The following EHD2 variants were observed in gnomAD, a reference collection of about 807,000 sequenced individuals.
EHD2 encodes EH domain containing 2, also known as EH domain-containing protein 2.
In EHD2, 27 loss-of-function variants were observed where a neutral mutation model predicts 41.0. The observed-to-expected ratio is 0.66, with a 90% CI of 0.49 to 0.91. The LOEUF is 0.91. EHD2 is among the 40% of genes least tolerant of loss of function. The pLI is 0.00. For missense variants in EHD2, 673 were observed against 773.9 expected, an observed-to-expected ratio of 0.87 and a Z score of 1.55; for synonymous variants, 342 against 341.0, an observed-to-expected ratio of 1.00 and a Z score of -0.03.
chr19:47,723,875 G>C (rs1400650009), intron 3 of EHD2, among the ~76,000 whole-genome samples: 1 of 151,868 alleles, frequency 6.6e-6, no homozygotes, highest in Non-Finnish European at 1.5e-5. Flanking sequence ...TGTAGAGACA[G>C]GGTCTTGTCA....
chr19:47,740,869 C>A lies in EHD2; in HGVS notation c.1081-12C>A. On this transcript the variant is annotated splice_polypyrimidine_tract_variant and intron_variant, in intron 5 of 5. Coordinates refer to ENST00000263277, the MANE Select transcript of EHD2 (RefSeq NM_014601.4). ...CCGCTTGAATTCTGGGTGCCCCTGT[C>A]CCCCACCACAGGAGCTGCTGATGGC... 6.2e-7 allele frequency: 1 copy of A among 1,611,086 alleles called. No individual in the cohort carries two copies. Among genetic ancestry groups the A allele is most frequent in the Non-Finnish European group, 8.5e-7 (1 of 1,179,448 alleles).
intron 3 of EHD2, among the ~76,000 whole-genome samples, chr19:47,721,164 G>GGGGT (rs911149629): frequency 1.7e-5 from 1 of 57,160 alleles, no homozygotes; most frequent in African/African-American, 8.6e-5. Context: ...TGCTACTGGG[G>GGGGT]GTGTGTGTGT....
At chr19:47,730,342 T>C (rs563724142) in intron 4 of EHD2, among the ~76,000 whole-genome samples, 12 of 143,842 alleles carry the variant, frequency 8.3e-5, no homozygotes, top group African/African-American at 2.4e-4. Flanking sequence ...GCCACACCCC[T>C]GCCCTGATTG....
At chr19:47,721,164 G>GGTGTGTGT (rs60140753) in intron 3 of EHD2, among the ~76,000 whole-genome samples, 51 of 57,158 alleles carry the variant, frequency 8.9e-4, no homozygotes, top group Non-Finnish European at 1.6e-3. Context: ...TGCTACTGGG[G>GGTGTGTGT]GTGTGTGTGT....
chr19:47,741,619 G>A lies in EHD2; in HGVS notation c.*187G>A. On this transcript the variant is annotated 3_prime_UTR_variant, in exon 6 of 6. Coordinates refer to ENST00000263277, the MANE Select transcript of EHD2 (RefSeq NM_014601.4). The surrounding 1 kb of genome is among the most constrained non-coding windows in gnomAD (Gnocchi z 4.5). ...TAGAGGGGACCACGGGAGGGACAAG[G>A]CTTCTCTGTCCGCCCTTCACACCTC... The A allele has an allele frequency of 1.5e-6, 1 of 682,916 alleles. No homozygotes were observed. The highest frequency in any genetic ancestry group is 2.4e-6 in the Non-Finnish European group (1 of 409,304). The allele number at this position is 682,916 out of a possible 1,614,324, so 42.3% of individuals were successfully genotyped here. A position where few individuals can be genotyped will look rare whatever the true frequency, so the allele number is the denominator to read the frequency against.
At chr19:47,732,984 G>A (rs969514359) in intron 4 of EHD2, 2 of 151,912 alleles carry the variant, frequency 1.3e-5, no homozygotes, top group African/African-American at 2.4e-5. Flanking sequence ...TCAGGAGGCT[G>A]AGGCAGGAGA....
In EHD2 at chr19:47,719,368, G is replaced by C. The variant is rs567054552; in HGVS notation, c.502+762G>C. Among the ~76,000 whole-genome samples, 31 of 152,248 alleles carry C rather than the reference G, an allele frequency of 2.0e-4. No individual in the cohort carries two copies. Among genetic ancestry groups the C allele is most frequent in the African/African-American group, 6.7e-4 (28 of 41,548 alleles). On this transcript the variant is annotated intron_variant, in intron 3 of 5. Transcript: ENST00000263277. The surrounding 1 kb of genome is among the most constrained non-coding windows in gnomAD (Gnocchi z 4.1). ...GATGGGGCCGAGAAGGGGATGGGAA[G>C]GGAATCTGGGTGGGGGCCAAGGCCA...
chr19:47,715,854 G>T (rs896246166), intron 1 of EHD2, among the ~76,000 whole-genome samples: 11 of 151,946 alleles, frequency 7.2e-5, no homozygotes, highest in Non-Finnish European at 1.2e-4. Flanking sequence ...TGCAACCTCT[G>T]CCTCCTGGGT....
At chr19:47,737,786 CTG>C (rs1966940992) in intron 5 of EHD2, among the ~76,000 whole-genome samples, 1 of 151,510 alleles carries the variant, frequency 6.6e-6, no homozygotes. Context: ...TCATAGCTCA[CTG>C]TGTACTTGAA....
rs1366308403 is a variant in EHD2, at chr19:47,719,999, CA to C, written c.502+1394del. Among the ~76,000 whole-genome samples, 5 of 143,060 alleles carry C rather than the reference CA, an allele frequency of 3.5e-5. No individual in the cohort carries two copies. Among genetic ancestry groups the C allele is most frequent in the Non-Finnish European group, 7.5e-5 (5 of 66,458 alleles). The allele number at this position is 143,060 out of a possible 152,430, so 93.9% of individuals were successfully genotyped here. On this transcript the variant is annotated intron_variant, in intron 3 of 5. Coordinates refer to ENST00000263277, the MANE Select transcript of EHD2 (RefSeq NM_014601.4). The surrounding 1 kb of genome is among the most constrained non-coding windows in gnomAD (Gnocchi z 4.1). ...TTGTGTATATCTTGGGAAAGTGTGT[CA>C]TTATGAGTGTACTCCTGGGTGTGGT...
chr19:47,718,363 C>T (rs528850314), intron 2 of EHD2, 146 bp from the exon 3 acceptor site: 3 of 600,784 alleles, frequency 5.0e-6, no homozygotes, highest in South Asian at 3.7e-5. Context: ...CTGAGATGGT[C>T]CTGGTTGCCC....
At chr19:47,735,937 C>T (rs1312033154) in intron 4 of EHD2, among the ~76,000 whole-genome samples, 1 of 150,430 alleles carries the variant, frequency 6.6e-6, no homozygotes, top group Non-Finnish European at 1.5e-5. Context: ...GTGGCTCACA[C>T]CTGTAATCCC....
chr19:47,725,853 G>C lies in EHD2; in HGVS notation c.544G>C (p.Val182Leu). The change falls in exon 4 of 6, where the codon GTG becomes CTG. Residue 182 changes from valine (V) to leucine (L), a missense_variant. By Grantham distance (32) the Val-to-Leu change is conservative. Transcript: ENST00000263277. ...CGTGCTGCGCTGGTTCGCGGAGCGC[G>C]TGGACCTCATCATCCTGCTCTTTGA... ...PAVLRWFAER[V>L]DLIILLFDAH... is the part of the protein sequence containing the mutation. 2 of 1,609,376 alleles carry C rather than the reference G, an allele frequency of 1.2e-6. No homozygotes were observed. Among genetic ancestry groups the C allele is most frequent in the Non-Finnish European group, 1.7e-6 (2 of 1,176,364 alleles).
chr19:47,718,553 G>GCATCAT lies in EHD2; in HGVS notation c.451_456dup (p.Ile151_Ile152dup). On this transcript the variant is annotated inframe_insertion, in exon 3 of 6. Coordinates refer to ENST00000263277, the MANE Select transcript of EHD2 (RefSeq NM_014601.4). ...CCTAATCAGGTCCTGGAGAGCATCA[G>GCATCAT]CATCATCGACACCCCGGGTATCCTG... 6.3e-7 allele frequency: 1 copy of GCATCAT among 1,588,262 alleles called. No individual in the cohort carries two copies. The highest frequency in any genetic ancestry group is 8.6e-7 in the Non-Finnish European group (1 of 1,167,002).
In EHD2 at chr19:47,740,900, A is replaced by T; in HGVS notation, c.1100A>T (p.Asp367Val). Residue 367 changes from aspartate (D) to valine (V), a missense_variant, in exon 6 of 6, where the codon GAC (aspartate) becomes GTC (valine). Coordinates refer to ENST00000263277, the MANE Select transcript of EHD2 (RefSeq NM_014601.4). ...QKMQELLMAHDFTKFHSLKPK... is the reference protein window; with the variant it reads ...QKMQELLMAHVFTKFHSLKPK... ...CCACAGGAGCTGCTGATGGCGCACG[A>T]CTTCACCAAGTTTCACTCGCTGAAG... is the stretch of plus-strand genomic sequence containing the variant. 1 of 1,613,210 alleles carries T rather than the reference A, an allele frequency of 6.2e-7. No homozygotes were observed. Among genetic ancestry groups the T allele is most frequent in the African/African-American group, 1.3e-5 (1 of 75,046 alleles).
intron 5 of EHD2, among the ~76,000 whole-genome samples, chr19:47,737,231 C>CAA (rs34395536): frequency 1.9e-4 from 12 of 64,688 alleles, no homozygotes; most frequent in African/African-American, 4.2e-4. Context: ...GACTCCGTCT[C>CAA]AAAAAAAAAA....
intron 5 of EHD2, among the ~76,000 whole-genome samples, chr19:47,740,375 G>A (rs1966972376): frequency 6.6e-6 from 1 of 152,004 alleles, no homozygotes; most frequent in Non-Finnish European, 1.5e-5. Flanking sequence ...GGAGTTGGAA[G>A]CTGCAGTGAG....
intron 3 of EHD2, among the ~76,000 whole-genome samples, chr19:47,722,051 C>T (rs963504316): frequency 1.5e-5 from 2 of 134,020 alleles, no homozygotes; most frequent in Admixed American, 1.5e-4. Context: ...CACACACACA[C>T]ACACACTGGG....
At chr19:47,738,765 C>T (rs1245344773) in intron 5 of EHD2, among the ~76,000 whole-genome samples, 1 of 152,202 alleles carries the variant, frequency 6.6e-6, no homozygotes. Flanking sequence ...CTAGGATCCC[C>T]AACCCTTCAG....
Sources: allele counts gnomAD v4.1 joint callset (sites outside exome capture counted in the v4.1 genomes callset), GRCh38; gene constraint gnomAD v4.1.1; non-coding constraint Gnocchi (gnomAD v3.1); transcripts MANE v1.5; gene names NCBI Gene and HGNC (gene_info 2026-07-23, HGNC 2026-07-21).